ITGA9: variants seen among roughly 807,000 people sequenced by gnomAD.
The protein encoded by ITGA9 is integrin subunit alpha 9, also known as integrin alpha-9.
In ITGA9, 56 loss-of-function variants were observed where a neutral mutation model predicts 127.8. That is an observed-to-expected ratio of 0.44 (90% CI 0.35 to 0.55). The LOEUF (loss-of-function observed/expected upper bound fraction) is 0.55, where lower values mean the gene tolerates loss of function less well. ITGA9 is among the 20% of genes least tolerant of loss of function. ITGA9 has a pLI of 0.00. For synonymous variants in ITGA9, 508 were observed against 514.5 expected, an observed-to-expected ratio of 0.99 and a Z score of 0.17; for missense variants, 1,196 against 1,347.1, an observed-to-expected ratio of 0.89 and a Z score of 1.76.
At chr3:37,483,730 C>T (rs776831807) in intron 4 of ITGA9, among the ~76,000 whole-genome samples, 3 of 152,112 alleles carry the variant, frequency 2.0e-5, no homozygotes, top group Non-Finnish European at 4.4e-5. Context: ...GGCAGTCAGG[C>T]CACATCATAG....
At chr3:37,609,807 G>A (rs1329259727) in intron 15 of ITGA9, among the ~76,000 whole-genome samples, 22 of 152,180 alleles carry the variant, frequency 1.4e-4, no homozygotes, top group Admixed American at 1.4e-3. Flanking sequence ...CTGTCACCTT[G>A]GCAGCATGGC....
At chr3:37,587,000 T>G (rs150251714) in intron 15 of ITGA9, among the ~76,000 whole-genome samples, 1 of 152,312 alleles carries the variant, frequency 6.6e-6, no homozygotes, top group African/African-American at 2.4e-5. Context: ...GATGCCCACA[T>G]GTTTTAGTGT....
At chr3:37,754,165 G>A (rs1229526663) in intron 23 of ITGA9, 3 of 152,202 alleles carry the variant, frequency 2.0e-5, no homozygotes, top group Non-Finnish European at 2.9e-5. Flanking sequence ...TCTGTCACAA[G>A]CTTCATGGCT....
intron 25 of ITGA9, among the ~76,000 whole-genome samples, chr3:37,784,382 G>T (rs1203125367): frequency 6.6e-6 from 1 of 152,112 alleles, no homozygotes; most frequent in Admixed American, 6.5e-5. Flanking sequence ...TCTTAGCTGT[G>T]CTCCCTTATA....
At chr3:37,778,000 A>T (rs6794090) in intron 24 of ITGA9, among the ~76,000 whole-genome samples, 5 of 152,248 alleles carry the variant, frequency 3.3e-5, no homozygotes, top group African/African-American at 1.2e-4. Flanking sequence ...ATCCATCAAT[A>T]GGAGAATAAG....
chr3:37,725,856 A>G lies in ITGA9; in HGVS notation c.2068-6856A>G, dbSNP rs139097330. On this transcript the variant is annotated intron_variant, in intron 18 of 27. Transcript: ENST00000264741. The stretch of plus-strand genomic sequence containing the variant: ...AGAAAGGATGGTTAATTTGCCTGAC[A>G]ACACATTGCTGGTATATATCTGAGC... Among the ~76,000 whole-genome samples the G allele has an allele frequency of 1.1e-3, 161 of 152,358 alleles. No individual in the cohort carries two copies. In the Middle Eastern group the frequency reaches 0.02, roughly 19 times the overall value.
At chr3:37,816,771 G>A (rs1395258240) in intron 27 of ITGA9, among the ~76,000 whole-genome samples, 1 of 152,172 alleles carries the variant, frequency 6.6e-6, no homozygotes. Context: ...AACCTCCAGG[G>A]CTGAAATCAC....
intron 9 of ITGA9, among the ~76,000 whole-genome samples, chr3:37,515,211 A>G (rs1005917992): frequency 2.0e-4 from 30 of 152,238 alleles, no homozygotes; most frequent in African/African-American, 7.2e-4. Context: ...TGCCAAATAC[A>G]TAGAAAATGT....
intron 23 of ITGA9, among the ~76,000 whole-genome samples, chr3:37,753,326 G>C (rs751356106): frequency 6.6e-6 from 1 of 152,206 alleles, no homozygotes; most frequent in Non-Finnish European, 1.5e-5. Context: ...GCAGGAAACA[G>C]ATACATAAAA....
At chr3:37,600,186 T>C (rs561291961) in intron 15 of ITGA9, among the ~76,000 whole-genome samples, 1 of 152,260 alleles carries the variant, frequency 6.6e-6, no homozygotes, top group East Asian at 1.9e-4. Context: ...ACTTAGTCAA[T>C]AAAAAATAAG....
At position 37,573,816 on chromosome 3, in the gene ITGA9, G is replaced by A. The variant is rs758520291; in HGVS notation, c.1689+31231G>A. ...CCTGAGTAGAGGCTTAGGTCACTGT[G>A]GACACAGTGGCAGCAGTGGACAAGG... On this transcript the variant is annotated intron_variant, in intron 15 of 27. Coordinates refer to ENST00000264741, the MANE Select transcript of ITGA9 (RefSeq NM_002207.3). Among the ~76,000 whole-genome samples the A allele has an allele frequency of 3.8e-4, 58 of 152,232 alleles. 1 individual carries two copies. Among genetic ancestry groups the A allele is most frequent in the Non-Finnish European group, 4.7e-4 (32 of 68,020 alleles).
chr3:37,743,934 C>A lies in ITGA9; in HGVS notation c.2333C>A (p.Ser778Tyr). 1 of 1,612,252 alleles carries A rather than the reference C, an allele frequency of 6.2e-7. No homozygotes were observed. The highest frequency in any genetic ancestry group is 8.5e-7 in the Non-Finnish European group (1 of 1,178,248). The change falls in exon 22 of 28, where the codon TCT becomes TAT. Residue 778 changes from serine (S) to tyrosine (Y), a missense_variant. Ser to Tyr is a moderately radical substitution (Grantham distance 144). Transcript: ENST00000264741. ...EVDTSITGIM[S>Y]PTSFVYGESV... ...ATGCTTTCCTCTTTCAGAATCATGTCTCCAACCTCCTTTGTATATGGCGAG... is the reference window on the plus strand; with the variant it reads ...ATGCTTTCCTCTTTCAGAATCATGTATCCAACCTCCTTTGTATATGGCGAG...
intron 15 of ITGA9, among the ~76,000 whole-genome samples, chr3:37,594,824 G>T (rs1699853730): frequency 6.6e-6 from 1 of 152,158 alleles, no homozygotes; most frequent in Non-Finnish European, 1.5e-5. Flanking sequence ...ATGTTGCCCA[G>T]GCTAGAGCGC....
intron 15 of ITGA9, among the ~76,000 whole-genome samples, chr3:37,564,809 C>T (rs937145982): frequency 1.3e-5 from 2 of 152,214 alleles, no homozygotes; most frequent in Non-Finnish European, 2.9e-5. Context: ...GGCTCATCCA[C>T]CACTACAGCC....
intron 15 of ITGA9, among the ~76,000 whole-genome samples, chr3:37,590,432 G>A (rs1699804240): frequency 2.0e-5 from 3 of 152,218 alleles, no homozygotes; most frequent in African/African-American, 7.2e-5. Context: ...GGAGGGCTGG[G>A]TTCTTGTTCT....
chr3:37,565,426 C>T (rs573987185), intron 15 of ITGA9, among the ~76,000 whole-genome samples: 2 of 152,292 alleles, frequency 1.3e-5, no homozygotes, highest in African/African-American at 4.8e-5. Flanking sequence ...GACAAGGCCA[C>T]GGAGGTCAAA....
At chr3:37,475,287 G>T (rs2125555569) in intron 3 of ITGA9, among the ~76,000 whole-genome samples, 1 of 152,364 alleles carries the variant, frequency 6.6e-6, no homozygotes, top group Admixed American at 6.5e-5. Flanking sequence ...AGGAGGTGGT[G>T]GCCCCGTGGC....
chr3:37,458,978 T>A (rs184108974), intron 1 of ITGA9, among the ~76,000 whole-genome samples: 4 of 152,318 alleles, frequency 2.6e-5, no homozygotes, highest in Non-Finnish European at 5.9e-5. Flanking sequence ...AATAAAATGT[T>A]TTATCCCAAC....
At chr3:37,530,089 G>A (rs1247516592) in intron 13 of ITGA9, among the ~76,000 whole-genome samples, 1 of 152,210 alleles carries the variant, frequency 6.6e-6, no homozygotes, top group Non-Finnish European at 1.5e-5. Context: ...TTCAAAGACA[G>A]GCTGGAGCCC....
Sources: allele counts gnomAD v4.1 joint callset (sites outside exome capture counted in the v4.1 genomes callset), GRCh38; gene constraint gnomAD v4.1.1; transcripts MANE v1.5; gene names NCBI Gene and HGNC (gene_info 2026-07-23, HGNC 2026-07-21).